Variants in GPR19 observed in about 807,000 individuals in gnomAD.
GPR19 encodes the protein probable G protein-coupled receptor 19.
In GPR19, 14 loss-of-function variants were observed where a neutral mutation model predicts 28.5. The ratio of observed to expected loss-of-function variants is 0.49; its 90% CI spans 0.32 to 0.77. The LOEUF (loss-of-function observed/expected upper bound fraction) is 0.77, where lower values mean the gene tolerates loss of function less well. Ranked by LOEUF, GPR19 falls within the 30% of genes least tolerant of loss-of-function variation. The pLI is 0.03. For missense variants in GPR19, 409 were observed against 504.1 expected, an observed-to-expected ratio of 0.81 and a Z score of 1.81; for synonymous variants, 173 against 184.1, an observed-to-expected ratio of 0.94 and a Z score of 0.49.
At chr12:12,699,646 G>T (rs901277456), upstream of GPR19, among the ~76,000 whole-genome samples, 1 of 152,182 alleles carries the variant, frequency 6.6e-6, no homozygotes, top group African/African-American at 2.4e-5. Context: ...AGAGGGAAGA[G>T]AATCTTCAGC....
chr12:12,680,179 G>T (rs564851578), intron 3 of GPR19, among the ~76,000 whole-genome samples: 1 of 152,124 alleles, frequency 6.6e-6, no homozygotes, highest in Admixed American at 6.5e-5. Flanking sequence ...TGTTTTAAAA[G>T]AATGCAGATA....
the GPR19 span, among the ~76,000 whole-genome samples, chr12:12,705,283 C>T: frequency 6.6e-6 from 1 of 151,674 alleles, no homozygotes; most frequent in Admixed American, 6.6e-5. Context: ...TGCTATTGCA[C>T]TCCAGCCTGG....
rs1228216962 is a variant in GPR19, at chr12:12,662,172, T to C, written c.277A>G (p.Ser93Gly). The stretch of plus-strand genomic sequence containing the variant: ...TTGGTGGTAGACTGAGTCCTCCTAC[T>C]CCTATGGATGACCAAACAAACCAGG... The part of the protein sequence containing the change: ...NSLVCLVIHR[S>G]RRTQSTTNYF... The change falls in exon 4 of 4, where the codon AGT becomes GGT. Residue 93 changes from serine (S) to glycine (G), a missense_variant. Ser to Gly is a moderately conservative substitution (Grantham distance 56, BLOSUM62 0). Coordinates refer to ENST00000651487, the MANE Select transcript of GPR19 (RefSeq NM_006143.3). 3 of 1,614,208 alleles carry C rather than the reference T, an allele frequency of 1.9e-6. No individual in the cohort carries two copies. The highest frequency in any genetic ancestry group is 2.7e-5 in the African/African-American group (2 of 75,050).
Position 12,661,028 on chromosome 12 carries a change from A to G in GPR19, c.*173T>C. 1.8e-6 allele frequency: 1 copy of G among 550,072 alleles called. No individual in the cohort carries two copies. Among genetic ancestry groups the G allele is most frequent in the Non-Finnish European group, 3.1e-6 (1 of 319,554 alleles). The allele number at this position is 550,072 out of a possible 1,614,324, so 34.1% of individuals were successfully genotyped here. ...TCAAAGTGAACGCTTTTCCTAAAACATAAAAAGCAAGTAAAATAAAACCCA... is the reference window on the plus strand; with the variant it reads ...TCAAAGTGAACGCTTTTCCTAAAACGTAAAAAGCAAGTAAAATAAAACCCA... On this transcript the variant is annotated 3_prime_UTR_variant, in exon 4 of 4. Transcript: ENST00000651487. This position sits in a 1 kb window ranked among gnomAD's most constrained non-coding sequence, Gnocchi z 4.2.
intron 3 of GPR19, among the ~76,000 whole-genome samples, chr12:12,681,590 T>C (rs1195012447): frequency 6.6e-6 from 1 of 152,162 alleles, no homozygotes; most frequent in Non-Finnish European, 1.5e-5. Flanking sequence ...TGAGAAGCCC[T>C]GCATGTGTGG....
the GPR19 span, among the ~76,000 whole-genome samples, chr12:12,714,834 C>G: frequency 6.6e-6 from 1 of 152,184 alleles, no homozygotes; most frequent in Non-Finnish European, 1.5e-5. Flanking sequence ...TCATTATTTG[C>G]TGTACAGATC....
At chr12:12,667,638 C>T (rs1945802018) in intron 3 of GPR19, among the ~76,000 whole-genome samples, 1 of 150,388 alleles carries the variant, frequency 6.6e-6, no homozygotes, top group Non-Finnish European at 1.5e-5. Flanking sequence ...TTGCAATGAG[C>T]TGAGATCACG....
At chr12:12,686,950 G>A (rs988797422) in intron 2 of GPR19, among the ~76,000 whole-genome samples, 1 of 152,114 alleles carries the variant, frequency 6.6e-6, no homozygotes, top group Non-Finnish European at 1.5e-5. Context: ...ATTAAGGATG[G>A]TCATAAAACA....
chr12:12,713,790 C>T, the GPR19 span, among the ~76,000 whole-genome samples: 2 of 152,158 alleles, frequency 1.3e-5, no homozygotes, highest in Middle Eastern at 3.2e-3. Context: ...CCTCTGCCTC[C>T]CAAAGTGCTG....
At chr12:12,695,691 C>T (rs1946251103) in intron 1 of GPR19, among the ~76,000 whole-genome samples, 180 bp from the exon 2 acceptor site, 1 of 152,148 alleles carries the variant, frequency 6.6e-6, no homozygotes, top group South Asian at 2.1e-4. Flanking sequence ...TTATATACAC[C>T]ATGTACTAAA....
intron 3 of GPR19, among the ~76,000 whole-genome samples, chr12:12,671,305 C>CAAA (rs71061102): frequency 8.3e-4 from 121 of 146,172 alleles, no homozygotes; most frequent in East Asian, 5.0e-3. Flanking sequence ...GACTCCCTCT[C>CAAA]AAAAAAAAAA....
the GPR19 span, among the ~76,000 whole-genome samples, chr12:12,711,061 T>C: frequency 1.3e-5 from 2 of 152,176 alleles, no homozygotes; most frequent in South Asian, 2.1e-4. Context: ...CCCAGCACTT[T>C]GGGAGGCTGA....
At chr12:12,696,573 A>T (rs1946266064), upstream of GPR19, among the ~76,000 whole-genome samples, 1 of 152,194 alleles carries the variant, frequency 6.6e-6, no homozygotes. Flanking sequence ...GTAAAAATAG[A>T]GGAAGTCAGC....
intron 3 of GPR19, among the ~76,000 whole-genome samples, chr12:12,671,143 A>T (rs1341336261): frequency 7.7e-6 from 1 of 129,790 alleles, no homozygotes; most frequent in East Asian, 2.1e-4. Context: ...TACTAAAAAT[A>T]AAAAAAAAAA....
At chr12:12,690,950 T>G (rs1416411345) in intron 2 of GPR19, among the ~76,000 whole-genome samples, 1 of 152,142 alleles carries the variant, frequency 6.6e-6, no homozygotes, top group Non-Finnish European at 1.5e-5. Flanking sequence ...ATTTCTGCAT[T>G]CGAGTCTTAA....
At chr12:12,711,779 T>C in the GPR19 span, among the ~76,000 whole-genome samples, 9 of 152,190 alleles carry the variant, frequency 5.9e-5, no homozygotes, top group African/African-American at 1.9e-4. Flanking sequence ...GGCATTATTC[T>C]CTCAAATACC....
chr12:12,715,498 G>A, the GPR19 span, among the ~76,000 whole-genome samples: 1 of 152,200 alleles, frequency 6.6e-6, no homozygotes, highest in African/African-American at 2.4e-5. Context: ...CTAGTGGATG[G>A]TGATACCACA....
intron 2 of GPR19, among the ~76,000 whole-genome samples, chr12:12,686,076 T>C (rs1461490462): frequency 6.6e-6 from 1 of 152,254 alleles, no homozygotes. Flanking sequence ...AAATACAAAC[T>C]GGCTATACAT....
intron 3 of GPR19, among the ~76,000 whole-genome samples, chr12:12,666,354 A>G (rs1333157625): frequency 6.6e-6 from 1 of 152,240 alleles, no homozygotes; most frequent in African/African-American, 2.4e-5. Flanking sequence ...TTGCTCATAC[A>G]GCATCTTGTT....
Sources: allele counts gnomAD v4.1 joint callset (sites outside exome capture counted in the v4.1 genomes callset), GRCh38; gene constraint gnomAD v4.1.1; non-coding constraint Gnocchi (gnomAD v3.1); transcripts MANE v1.5; gene names NCBI Gene and HGNC (gene_info 2026-07-23, HGNC 2026-07-21).